The following PPP2R2B variants were observed in gnomAD, a reference collection of about 807,000 sequenced individuals.
PPP2R2B encodes the protein serine/threonine-protein phosphatase 2A 55 kDa regulatory subunit B beta isoform.
In PPP2R2B, 5 loss-of-function variants were observed where a neutral mutation model predicts 46.0. The observed-to-expected ratio is 0.11, with a 90% confidence interval of 0.06 to 0.23. The LOEUF (loss-of-function observed/expected upper bound fraction) is 0.23, where lower values mean the gene tolerates loss of function less well. Ranked by LOEUF, PPP2R2B falls within the 10% of genes least tolerant of loss-of-function variation. The pLI is 1.00. For missense variants in PPP2R2B, 367 were observed against 575.0 expected, an observed-to-expected ratio of 0.64 and a Z score of 3.70; for synonymous variants, 215 against 206.7, an observed-to-expected ratio of 1.04 and a Z score of -0.34.
chr5:146,724,922 C>T (rs370806992), intron 2 of PPP2R2B, among the ~76,000 whole-genome samples: 10 of 152,128 alleles, frequency 6.6e-5, no homozygotes, highest in African/African-American at 1.2e-4. Context: ...GGGAGAACAC[C>T]GCTCAATAGG....
chr5:146,819,081 A>C (rs1403223331), intron 2 of PPP2R2B, among the ~76,000 whole-genome samples: 1 of 152,204 alleles, frequency 6.6e-6, no homozygotes, highest in Non-Finnish European at 1.5e-5. Flanking sequence ...TCTCGGGCAC[A>C]AAATCTCCAG....
chr5:146,904,106 T>C (rs1561508046), intron 1 of PPP2R2B, among the ~76,000 whole-genome samples: 1 of 152,154 alleles, frequency 6.6e-6, no homozygotes, highest in South Asian at 2.1e-4. Flanking sequence ...ATTTGTAGAA[T>C]GCAGACATCA....
intron 4 of PPP2R2B, among the ~76,000 whole-genome samples, chr5:146,694,316 T>A (rs1037779443): frequency 2.0e-5 from 3 of 152,192 alleles, no homozygotes; most frequent in African/African-American, 7.2e-5. Context: ...AACTGCTTTT[T>A]AGGGTGAGAA....
chr5:146,624,336 T>C (rs1425905031), intron 7 of PPP2R2B, among the ~76,000 whole-genome samples: 1 of 152,242 alleles, frequency 6.6e-6, no homozygotes, highest in African/African-American at 2.4e-5. Flanking sequence ...ACTCGCTCTA[T>C]GGCACCTTCA....
rs745872914 is a variant in PPP2R2B, at chr5:146,691,163, G to A, written c.412C>T (p.Arg138Trp). The A allele has an allele frequency of 1.9e-6, 3 of 1,614,104 alleles. No individual in the cohort carries two copies. The highest frequency in any genetic ancestry group is 1.7e-6 in the Non-Finnish European group (2 of 1,180,024). Residue 138 changes from arginine to tryptophan, a missense_variant, in exon 5 of 10, where the codon CGG becomes TGG. Physicochemically the swap from Arg to Trp is moderately radical, Grantham distance 101. This residue lies in a region of PPP2R2B where 361 missense variants were observed against 545.5 expected (regional missense o/e 0.66). Transcript: ENST00000394411. ...EGYNLKDEEG[R>W]LRDPATITTL... ...GTGATGGTGGCAGGATCCCGGAGCCGGCCCTCCTCATCTTTCAGATTGTAG... is the reference window on the plus strand; with the variant it reads ...GTGATGGTGGCAGGATCCCGGAGCCAGCCCTCCTCATCTTTCAGATTGTAG...
At chr5:146,839,306 AG>A (rs1759485722) in intron 2 of PPP2R2B, among the ~76,000 whole-genome samples, 1 of 152,176 alleles carries the variant, frequency 6.6e-6, no homozygotes, top group Non-Finnish European at 1.5e-5. Flanking sequence ...AGATCACCTG[AG>A]GTCAGGAGTT....
intron 7 of PPP2R2B, among the ~76,000 whole-genome samples, chr5:146,618,486 T>A (rs933443614): frequency 1.3e-5 from 2 of 152,214 alleles, no homozygotes; most frequent in Non-Finnish European, 2.9e-5. Flanking sequence ...TCATTAAGTA[T>A]GTGATAATTT....
rs1458024448 is a variant in PPP2R2B at position 146,801,912 on chromosome 5, C to T, written c.70+76090G>A. On this transcript the variant is annotated intron_variant, in intron 2 of 9. Transcript: ENST00000394411. ...AGATGAGTTAGTGCTCCAAGTGGCC[C>T]CACTTAACCATGCTGGAATGAAAGG... 4.6e-5 allele frequency among the ~76,000 whole-genome samples: 7 copies of T among 152,150 alleles called. 1 individual carries two copies. The highest frequency in any genetic ancestry group is 4.6e-4 in the Admixed American group (7 of 15,272).
chr5:146,948,751 A>G (rs983648629), intron 1 of PPP2R2B, among the ~76,000 whole-genome samples: 2 of 152,074 alleles, frequency 1.3e-5, no homozygotes, highest in Non-Finnish European at 2.9e-5. Context: ...TGGACTTGAG[A>G]GTTAAAATTA....
At chr5:146,754,987 AG>A (rs1010155453) in intron 2 of PPP2R2B, among the ~76,000 whole-genome samples, 1 of 152,236 alleles carries the variant, frequency 6.6e-6, no homozygotes, top group Non-Finnish European at 1.5e-5. Flanking sequence ...TGTGAGAGAT[AG>A]TAAATATTTG....
chr5:146,609,448 C>G (rs1772626721), intron 7 of PPP2R2B, among the ~76,000 whole-genome samples: 1 of 152,200 alleles, frequency 6.6e-6, no homozygotes, highest in South Asian at 2.1e-4. Flanking sequence ...TTTGAAAAAA[C>G]TTAAATATGC....
chr5:146,632,831 G>A (rs1360305084), intron 7 of PPP2R2B, among the ~76,000 whole-genome samples: 1 of 152,160 alleles, frequency 6.6e-6, no homozygotes, highest in East Asian at 1.9e-4. Context: ...CCCTGAGGTG[G>A]GAAAGGGCTG....
chr5:147,074,806 G>C (rs1443322225), intron 2 of PPP2R2B, among the ~76,000 whole-genome samples: 1 of 152,094 alleles, frequency 6.6e-6, no homozygotes, highest in Non-Finnish European at 1.5e-5. Context: ...TCAAATTGAT[G>C]TTTTTCTCTC....
At chr5:146,944,541 T>A (rs950093715) in intron 1 of PPP2R2B, among the ~76,000 whole-genome samples, 1 of 152,142 alleles carries the variant, frequency 6.6e-6, no homozygotes, top group Non-Finnish European at 1.5e-5. Flanking sequence ...CTGGGTTTTA[T>A]ATAGTTTGAT....
chr5:146,931,199 C>G (rs1763958935), intron 1 of PPP2R2B, among the ~76,000 whole-genome samples: 1 of 152,092 alleles, frequency 6.6e-6, no homozygotes, highest in African/African-American at 2.4e-5. Context: ...CGCAATAATA[C>G]ATTGGCAAGT....
intron 2 of PPP2R2B, among the ~76,000 whole-genome samples, chr5:146,736,359 T>C (rs1042832717): frequency 2.6e-5 from 4 of 152,222 alleles, no homozygotes; most frequent in Non-Finnish European, 5.9e-5. Context: ...CTGAGCGTTA[T>C]GCCCTGCCAC....
upstream of PPP2R2B, among the ~76,000 whole-genome samples, chr5:147,060,342 C>A (rs1757219872): frequency 6.6e-6 from 1 of 152,190 alleles, no homozygotes; most frequent in African/African-American, 2.4e-5. Flanking sequence ...AATACCTACT[C>A]TCAGCCAGGT....
chr5:146,635,934 C>T (rs191194911), intron 7 of PPP2R2B, among the ~76,000 whole-genome samples: 70 of 152,312 alleles, frequency 4.6e-4, no homozygotes, highest in East Asian at 2.7e-3. Flanking sequence ...CCATGTATGA[C>T]GAATGCCAAC....
chr5:146,633,499 G>A (rs183194755), intron 7 of PPP2R2B, among the ~76,000 whole-genome samples: 12 of 152,370 alleles, frequency 7.9e-5, no homozygotes, highest in South Asian at 4.1e-4. Flanking sequence ...GCTCGTAGCC[G>A]CAGCAGCTGA....
Sources: gnomAD v4.1 joint callset for allele counts (sites outside exome capture counted in the v4.1 genomes callset) on GRCh38, gnomAD v4.1.1 for gene constraint, gnomAD v4.1.1 regional missense constraint, MANE v1.5 for transcripts, NCBI Gene and HGNC (gene_info 2026-07-23, HGNC 2026-07-21) for gene names.